ITPR2: variants seen among roughly 807,000 people sequenced by gnomAD.
The protein encoded by ITPR2 is inositol 1,4,5-trisphosphate receptor type 2, also known as inositol 1,4,5-trisphosphate-gated calcium channel ITPR2.
Under a neutral mutation model 317.1 loss-of-function variants are expected in ITPR2, and 207 were observed. The observed-to-expected ratio is 0.65, with a 90% confidence interval of 0.58 to 0.73. ITPR2 has a LOEUF of 0.73. Among genes scored for constraint, ITPR2 ranks in the 30% least tolerant of loss-of-function variants. ITPR2 has a pLI of 0.00. For synonymous variants in ITPR2, 1,156 were observed against 1,149.1 expected, an observed-to-expected ratio of 1.01 and a Z score of -0.12; for missense variants, 2,613 against 3,284.0, an observed-to-expected ratio of 0.80 and a Z score of 4.99.
chr12:26,355,187 T>TA (rs759404180), intron 55 of ITPR2, among the ~76,000 whole-genome samples: 5 of 152,248 alleles, frequency 3.3e-5, no homozygotes, highest in Non-Finnish European at 7.3e-5. Context: ...CTAACATCAC[T>TA]ACTCATTGGA....
intron 34 of ITPR2, among the ~76,000 whole-genome samples, chr12:26,567,980 A>AAT (rs1945031973): frequency 1.3e-4 from 1 of 7,596 alleles, no homozygotes; most frequent in Non-Finnish European, 4.9e-4. Flanking sequence ...TATATATATT[A>AAT]TATATATATA....
intron 39 of ITPR2, 85 bp from the exon 40 acceptor site, chr12:26,487,336 G>C: frequency 1.0e-6 from 1 of 955,288 alleles, no homozygotes; most frequent in Non-Finnish European, 1.5e-6. Flanking sequence ...AAGCATTATA[G>C]GCAAAAGCAC....
intron 2 of ITPR2, among the ~76,000 whole-genome samples, chr12:26,759,382 T>C (rs1432117598): frequency 6.6e-6 from 1 of 152,234 alleles, no homozygotes; most frequent in East Asian, 1.9e-4. Context: ...ACTTTGTTCA[T>C]TTCCTCACAG....
At chr12:26,675,462 C>T (rs1040385498) in intron 13 of ITPR2, among the ~76,000 whole-genome samples, 1 of 152,002 alleles carries the variant, frequency 6.6e-6, no homozygotes, top group Non-Finnish European at 1.5e-5. Context: ...AAACCAAACA[C>T]CACATGTTCT....
chr12:26,371,184 T>C (rs546404335), intron 55 of ITPR2, among the ~76,000 whole-genome samples: 1 of 152,294 alleles, frequency 6.6e-6, no homozygotes, highest in South Asian at 2.1e-4. Context: ...ATTTCAGTCA[T>C]TAAAAGTATT....
At chr12:26,590,220 A>G (rs1038881751) in intron 32 of ITPR2, among the ~76,000 whole-genome samples, 2 of 152,196 alleles carry the variant, frequency 1.3e-5, no homozygotes, top group South Asian at 4.1e-4. Context: ...AGGCAAAATT[A>G]TGAGACCAAC....
intron 45 of ITPR2, among the ~76,000 whole-genome samples, chr12:26,465,375 G>A (rs973630049): frequency 3.9e-5 from 6 of 152,144 alleles, no homozygotes; most frequent in Non-Finnish European, 5.9e-5. Context: ...TAGGTGGAAC[G>A]GTGAAAATGA....
intron 37 of ITPR2, among the ~76,000 whole-genome samples, chr12:26,510,247 G>A (rs1389304049): frequency 6.6e-6 from 1 of 151,904 alleles, no homozygotes; most frequent in Non-Finnish European, 1.5e-5. Context: ...CCAAATAAAC[G>A]TACACTATAA....
chr12:26,832,823 C>T lies in ITPR2; in HGVS notation c.-42G>A. 1 of 1,428,038 alleles carries T rather than the reference C, an allele frequency of 7.0e-7. No individual in the cohort carries two copies. Among genetic ancestry groups the T allele is most frequent in the Non-Finnish European group, 9.8e-7 (1 of 1,021,490 alleles). The allele number at this position is 1,428,038 out of a possible 1,614,324, so 88.5% of individuals were successfully genotyped here. A position where few individuals can be genotyped will look rare whatever the true frequency, so the allele number is the denominator to read the frequency against. The stretch of plus-strand genomic sequence containing the variant: ...CAGTGGACGTCCCTCTTCTTCCCTG[C>T]GCCCTCGCCGCCCTCTCTCCAGGGA... On this transcript the variant is annotated 5_prime_UTR_variant, in exon 1 of 57. Transcript: ENST00000381340.
At chr12:26,443,111 C>T (rs184683109) in intron 46 of ITPR2, among the ~76,000 whole-genome samples, 98 of 152,230 alleles carry the variant, frequency 6.4e-4, no homozygotes, top group South Asian at 1.9e-3. Flanking sequence ...CAAGGCTATG[C>T]TATCAATATG....
chr12:26,787,316 G>T (rs951322176), intron 2 of ITPR2, among the ~76,000 whole-genome samples: 1 of 152,204 alleles, frequency 6.6e-6, no homozygotes, highest in African/African-American at 2.4e-5. Context: ...TCTAAAACTG[G>T]AGGTAGAAAA....
intron 45 of ITPR2, among the ~76,000 whole-genome samples, chr12:26,447,215 GACA>G (rs1161738092): frequency 6.6e-6 from 1 of 151,966 alleles, no homozygotes; most frequent in Non-Finnish European, 1.5e-5. Flanking sequence ...CGTTTAAGTG[GACA>G]ACAACTCTTA....
chr12:26,418,976 A>G (rs767767150), intron 50 of ITPR2, 73 bp downstream of exon 50: 9 of 1,307,848 alleles, frequency 6.9e-6, no homozygotes, highest in Admixed American at 2.6e-5. Flanking sequence ...AAAAAAATCA[A>G]AGGAAGAGGC....
At chr12:26,780,767 C>G (rs1409257025) in intron 2 of ITPR2, among the ~76,000 whole-genome samples, 1 of 152,162 alleles carries the variant, frequency 6.6e-6, no homozygotes, top group African/African-American at 2.4e-5. Context: ...CACCATCACC[C>G]CTAGTGATCC....
At chr12:26,520,565 A>G (rs1943636144) in intron 37 of ITPR2, among the ~76,000 whole-genome samples, 1 of 152,192 alleles carries the variant, frequency 6.6e-6, no homozygotes, top group African/African-American at 2.4e-5. Flanking sequence ...AGTTCCAGCC[A>G]CATGGGACCT....
intron 48 of ITPR2, among the ~76,000 whole-genome samples, chr12:26,435,458 C>T (rs1451933451): frequency 6.6e-6 from 1 of 152,132 alleles, no homozygotes; most frequent in Non-Finnish European, 1.5e-5. Flanking sequence ...TCCATCTTTT[C>T]TTTCAAGCCA....
intron 37 of ITPR2, among the ~76,000 whole-genome samples, chr12:26,518,199 T>C (rs1177962458): frequency 6.6e-6 from 1 of 152,142 alleles, no homozygotes; most frequent in Non-Finnish European, 1.5e-5. Flanking sequence ...TAAAAAAGAA[T>C]GAGATCATGT....
intron 37 of ITPR2, among the ~76,000 whole-genome samples, chr12:26,545,213 G>A (rs1290905983): frequency 6.6e-6 from 1 of 152,158 alleles, no homozygotes; most frequent in East Asian, 1.9e-4. Flanking sequence ...CTGTAAACAT[G>A]TTACCTCACA....
chr12:26,477,919 A>C (rs1023345807), intron 43 of ITPR2, among the ~76,000 whole-genome samples: 1 of 152,202 alleles, frequency 6.6e-6, no homozygotes, highest in African/African-American at 2.4e-5. Context: ...CAGTGTGCTC[A>C]TAATATTCAT....
Sources: allele counts gnomAD v4.1 joint callset (sites outside exome capture counted in the v4.1 genomes callset), GRCh38; gene constraint gnomAD v4.1.1; transcripts MANE v1.5; gene names NCBI Gene and HGNC (gene_info 2026-07-23, HGNC 2026-07-21).